The following CCZ1 variants were observed in gnomAD, a reference collection of about 807,000 sequenced individuals.
CCZ1 encodes CCZ1 vacuolar protein trafficking and biogenesis associated, also known as vacuolar fusion protein CCZ1 homolog.
In CCZ1, 19 loss-of-function variants were observed where a neutral mutation model predicts 57.8. The ratio of observed to expected loss-of-function variants is 0.33; its 90% CI spans 0.23 to 0.48. The LOEUF is 0.48. Among genes scored for constraint, CCZ1 ranks in the 20% least tolerant of loss-of-function variants. The probability of loss-of-function intolerance (pLI) is 0.99; values close to 1 mark genes in which losing one functional copy is unlikely to be tolerated. For missense variants in CCZ1, 200 were observed against 492.0 expected (o/e 0.41, Z 5.61); for synonymous variants, 81 against 167.0 (o/e 0.49, Z 3.97).
At chr7:5,920,702 C>G (rs1213747459) in intron 12 of CCZ1, among the ~76,000 whole-genome samples, 1 of 138,808 alleles carries the variant, frequency 7.2e-6, no homozygotes. Flanking sequence ...GAACTCCTGA[C>G]CTCAAGTGAT....
intron 7 of CCZ1, among the ~76,000 whole-genome samples, chr7:5,906,705 C>A (rs1781835194): frequency 2.0e-5 from 3 of 149,468 alleles, no homozygotes; most frequent in Admixed American, 2.0e-4. Flanking sequence ...AAAACTAGTT[C>A]CCCTAAAATT....
intron 6 of CCZ1, among the ~76,000 whole-genome samples, 153 bp from the exon 7 acceptor site, chr7:5,904,941 C>G (rs1015467106): frequency 6.7e-6 from 1 of 148,288 alleles, no homozygotes; most frequent in Non-Finnish European, 1.5e-5. Flanking sequence ...ACTCAGTTAC[C>G]CATGTCTTCA....
chr7:5,911,734 A>G (rs374114835), intron 8 of CCZ1, 127 bp from the exon 9 acceptor site: 60 of 1,257,722 alleles, frequency 4.8e-5, no homozygotes, highest in Non-Finnish European at 5.9e-5. Flanking sequence ...GCAACAGAAC[A>G]AGATCCTGTC....
At chr7:5,907,609 G>T (rs151196140) in intron 7 of CCZ1, among the ~76,000 whole-genome samples, 2 of 145,886 alleles carry the variant, frequency 1.4e-5, no homozygotes, top group East Asian at 4.7e-4. Flanking sequence ...TGACCAGCAG[G>T]GTTGGCCCTT....
chr7:5,902,984 A>G (rs1781720445), intron 6 of CCZ1, among the ~76,000 whole-genome samples: 1 of 148,298 alleles, frequency 6.7e-6, no homozygotes, highest in African/African-American at 2.5e-5. Context: ...GGGCTCTTAA[A>G]GGGTCCTGGA....
intron 6 of CCZ1, among the ~76,000 whole-genome samples, chr7:5,903,360 C>T (rs1309823836): frequency 2.1e-5 from 3 of 144,128 alleles, no homozygotes; most frequent in Non-Finnish European, 4.5e-5. Context: ...TTCAAGCGAT[C>T]TTCCCTCCTT....
intron 14 of CCZ1, among the ~76,000 whole-genome samples, chr7:5,924,553 A>T (rs1208211376): frequency 7.9e-6 from 1 of 127,282 alleles, no homozygotes; most frequent in Non-Finnish European, 1.7e-5. Context: ...CTTTTTTAAT[A>T]TCCTGTGATA....
intron 10 of CCZ1, 46 bp downstream of exon 10, chr7:5,913,000 A>C (rs370564247): frequency 3.7e-6 from 6 of 1,607,676 alleles, no homozygotes; most frequent in Non-Finnish European, 5.1e-6. Flanking sequence ...GCTGAAGTGG[A>C]TCTTTCTTGC....
chr7:5,907,655 C>T (rs963034135), intron 7 of CCZ1, among the ~76,000 whole-genome samples: 4 of 145,962 alleles, frequency 2.7e-5, no homozygotes, highest in African/African-American at 1.0e-4. Context: ...TGGCGCCCAG[C>T]TCTGGGGATC....
chr7:5,906,993 G>T (rs1348570719), intron 7 of CCZ1, among the ~76,000 whole-genome samples: 1 of 146,740 alleles, frequency 6.8e-6, no homozygotes, highest in Non-Finnish European at 1.5e-5. Context: ...TCAGCCTCCC[G>T]AGTAGCTGGG....
chr7:5,916,535 G>C (rs1467821533), intron 10 of CCZ1, among the ~76,000 whole-genome samples: 25 of 131,892 alleles, frequency 1.9e-4, no homozygotes, highest in African/African-American at 7.2e-4. Flanking sequence ...TTTGGTTTTT[G>C]AGATGGAGTC....
chr7:5,904,248 G>A (rs1377805438), intron 6 of CCZ1, among the ~76,000 whole-genome samples: 13 of 139,604 alleles, frequency 9.3e-5, no homozygotes, highest in Admixed American at 8.3e-4. Context: ...TACCACGCCC[G>A]GCTAATGTTG....
At chr7:5,906,862 C>T (rs1781840088) in intron 7 of CCZ1, among the ~76,000 whole-genome samples, 1 of 145,012 alleles carries the variant, frequency 6.9e-6, no homozygotes, top group African/African-American at 2.8e-5. Flanking sequence ...CGGGTGAAAC[C>T]CATCTACTTT....
rs1192755934 is a variant in CCZ1, at chr7:5,906,591, T to G, written c.698+1322T>G. Among the ~76,000 whole-genome samples the G allele has an allele frequency of 3.4e-5, 5 of 148,514 alleles. 1 individual carries two copies. Among genetic ancestry groups the G allele is most frequent in the Admixed American group, 2.7e-4 (4 of 15,010 alleles). ...CCCTGCATAGGCCTCCCAAGGTGCCTCGATTACAGGTGTGAGCCACTGCAC... is the reference window on the plus strand; with the variant it reads ...CCCTGCATAGGCCTCCCAAGGTGCCGCGATTACAGGTGTGAGCCACTGCAC... On this transcript the variant is annotated intron_variant, in intron 7 of 14. Transcript: ENST00000325974.
intron 7 of CCZ1, among the ~76,000 whole-genome samples, chr7:5,909,454 C>T (rs1283462843): frequency 6.7e-6 from 1 of 150,042 alleles, no homozygotes; most frequent in Non-Finnish European, 1.5e-5. Context: ...GTAATCCCAG[C>T]ACTTTAGGAG....
At position 5,909,028 on chromosome 7, in the gene CCZ1, A is replaced by G. The variant is rs895703274; in HGVS notation, c.699-1007A>G. 2.0e-5 allele frequency among the ~76,000 whole-genome samples: 3 copies of G among 147,048 alleles called. 1 individual carries two copies. Among genetic ancestry groups the G allele is most frequent in the Non-Finnish European group, 4.5e-5 (3 of 67,412 alleles). The stretch of plus-strand genomic sequence containing the variant: ...AGGAAGCTAAGAGACATCTGCTCCT[A>G]AAATGAAACAGTGTGGCTTTGGAGG... On this transcript the variant is annotated intron_variant, in intron 7 of 14. Coordinates refer to ENST00000325974, the MANE Select transcript of CCZ1 (RefSeq NM_015622.6).
intron 1 of CCZ1, among the ~76,000 whole-genome samples, chr7:5,899,334 G>GGGGTGTGTGT (rs1781626415): frequency 3.2e-4 from 4 of 12,578 alleles, no homozygotes; most frequent in East Asian, 3.0e-3. Flanking sequence ...TCGGGAGGGG[G>GGGGTGTGTGT]GTGTGTGTGT....
At chr7:5,905,774 C>CTTTTTTTTTTTTTTTTTTTTTTTTT (rs1583183232) in intron 7 of CCZ1, among the ~76,000 whole-genome samples, 6 of 51,070 alleles carry the variant, frequency 1.2e-4, no homozygotes, top group South Asian at 1.7e-3. Flanking sequence ...GAGAGAGACT[C>CTTTTTTTTTTTTTTTTTTTTTTTTT]TGTCTCCAAA....
rs200812052 is a variant in CCZ1, at chr7:5,919,854, G to A, written c.994G>A (p.Val332Ile). The change falls in exon 12 of 15, where the codon GTC becomes ATC. Residue 332 changes from valine (V) to isoleucine (I), a missense_variant. Physicochemically the swap from Val to Ile is conservative, Grantham distance 29. Around this residue, in one of 5 missense-constraint regions of CCZ1, gnomAD observed 13 missense variants for 148.1 expected, o/e 0.09. Transcript: ENST00000325974. ...TTTTTGTCATGACTTGCCAGCCTCT[G>A]TCCACCCAACGTTGGATTTTTGCCG... ...AAVCFMIDAS[V>I]HPTLDFCRRL... is the part of the protein sequence containing the mutation. The A allele has an allele frequency of 0.26, 405,635 of 1,580,512 alleles. 9,614 individuals are homozygous for A. Among genetic ancestry groups the A allele is most frequent in the Admixed American group, 0.35 (19,780 of 57,000 alleles).
Sources: gnomAD v4.1 joint callset for allele counts (sites outside exome capture counted in the v4.1 genomes callset) on GRCh38, gnomAD v4.1.1 for gene constraint, gnomAD v4.1.1 regional missense constraint, MANE v1.5 for transcripts, NCBI Gene and HGNC (gene_info 2026-07-23, HGNC 2026-07-21) for gene names.